GALNTL6: variants seen among roughly 807,000 people sequenced by gnomAD.
GALNTL6 encodes the protein polypeptide N-acetylgalactosaminyltransferase-like 6.
GALNTL6 carries 46 observed loss-of-function variants against 73.7 expected under a neutral mutation model. The ratio of observed to expected loss-of-function variants is 0.62; its 90% CI spans 0.49 to 0.80. The LOEUF is 0.80. Among genes scored for constraint, GALNTL6 ranks in the 30% least tolerant of loss-of-function variants. The pLI is 0.00. For synonymous variants in GALNTL6, 259 were observed against 263.7 expected (o/e 0.98, Z 0.17); for missense variants, 604 against 755.0 (o/e 0.80, Z 2.34).
chr4:172,869,367 G>A lies in GALNTL6; in HGVS notation c.924-13423G>A, dbSNP rs185740278. On this transcript the variant is annotated intron_variant, in intron 7 of 12. Transcript: ENST00000506823. ...AGCACAGCTTGAAACACAAATTTGC[G>A]TATATTTGATTTCTTAGTGGAGTGT... 3.3e-5 allele frequency among the ~76,000 whole-genome samples: 5 copies of A among 152,260 alleles called. No homozygotes were observed. In the East Asian group the frequency reaches 7.7e-4, roughly 23 times the overall value.
At chr4:172,084,274 G>A (rs767359799) in intron 2 of GALNTL6, among the ~76,000 whole-genome samples, 16 of 152,168 alleles carry the variant, frequency 1.1e-4, no homozygotes, top group Non-Finnish European at 2.1e-4. Flanking sequence ...AATGGAGTAT[G>A]AGAAAATGAA....
At chr4:171,911,592 T>C (rs2110963026) in intron 2 of GALNTL6, among the ~76,000 whole-genome samples, 1 of 152,302 alleles carries the variant, frequency 6.6e-6, no homozygotes, top group South Asian at 2.1e-4. Flanking sequence ...GATATACGTG[T>C]GCTGATTCCA....
At chr4:172,494,739 G>A (rs1294564911) in intron 5 of GALNTL6, among the ~76,000 whole-genome samples, 1 of 152,196 alleles carries the variant, frequency 6.6e-6, no homozygotes, top group Non-Finnish European at 1.5e-5. Context: ...AGGGTAGGAA[G>A]CATCCAGCAT....
chr4:172,339,492 A>G (rs1025936672), intron 4 of GALNTL6, among the ~76,000 whole-genome samples: 1 of 152,104 alleles, frequency 6.6e-6, no homozygotes, highest in African/African-American at 2.4e-5. Context: ...CAAACTCCAG[A>G]GCAAGCACTC....
intron 10 of GALNTL6, among the ~76,000 whole-genome samples, chr4:172,994,735 A>G (rs1579756695): frequency 1.3e-5 from 2 of 152,302 alleles, no homozygotes; most frequent in African/African-American, 4.8e-5. Flanking sequence ...ATTACACTCA[A>G]GAATGGGCTC....
At chr4:171,929,862 A>G (rs1036837372) in intron 2 of GALNTL6, among the ~76,000 whole-genome samples, 4 of 152,186 alleles carry the variant, frequency 2.6e-5, no homozygotes, top group African/African-American at 9.6e-5. Context: ...CTCCCTGGAA[A>G]ACGCGAGACA....
intron 2 of GALNTL6, among the ~76,000 whole-genome samples, chr4:172,159,168 C>T (rs75814135): frequency 0.02 from 3,060 of 152,150 alleles, 107 homozygotes; most frequent in African/African-American, 0.067. Flanking sequence ...GGGAACAGTG[C>T]CTGCAAACAG....
intron 10 of GALNTL6, among the ~76,000 whole-genome samples, chr4:172,964,479 T>TA (rs1233486528): frequency 6.6e-6 from 1 of 152,170 alleles, no homozygotes; most frequent in Non-Finnish European, 1.5e-5. Context: ...GCAAACTTTT[T>TA]AAAAAATCTT....
rs148937057 is a variant in GALNTL6, at chr4:172,850,498, C to A, written c.924-32292C>A. Among the ~76,000 whole-genome samples, 6 of 152,242 alleles carry A rather than the reference C, an allele frequency of 3.9e-5. No homozygotes were observed. In the South Asian group the frequency reaches 1.2e-3, roughly 32 times the overall value. On this transcript the variant is annotated intron_variant, in intron 7 of 12. Coordinates refer to ENST00000506823, the MANE Select transcript of GALNTL6 (RefSeq NM_001034845.3). The stretch of plus-strand genomic sequence containing the variant: ...TTTTCTTCTACATTCACGCTTATCA[C>A]GGAATACTTCACCGCTTGGTCACTA...
At chr4:172,312,037 T>G (rs1272233877) in intron 4 of GALNTL6, among the ~76,000 whole-genome samples, 1 of 152,204 alleles carries the variant, frequency 6.6e-6, no homozygotes, top group African/African-American at 2.4e-5. Context: ...ACTTTTAACT[T>G]TTGATCATGT....
chr4:172,471,945 C>T (rs1173614182), intron 5 of GALNTL6, among the ~76,000 whole-genome samples: 1 of 152,138 alleles, frequency 6.6e-6, no homozygotes, highest in Non-Finnish European at 1.5e-5. Context: ...TTTTTCTTCT[C>T]TCTAATATCC....
chr4:172,591,974 A>G (rs901743970), intron 5 of GALNTL6, among the ~76,000 whole-genome samples: 5 of 152,218 alleles, frequency 3.3e-5, no homozygotes, highest in Non-Finnish European at 7.3e-5. Context: ...GACCACTAAG[A>G]GTACTGATTC....
At chr4:172,813,820 T>C (rs1266804900) in intron 7 of GALNTL6, 97 bp downstream of exon 7, 3 of 952,768 alleles carry the variant, frequency 3.1e-6, no homozygotes, top group Non-Finnish European at 4.6e-6. Flanking sequence ...TCTAACAAAA[T>C]GGAATAAAAC....
chr4:172,658,436 C>T (rs1391899197), intron 5 of GALNTL6, among the ~76,000 whole-genome samples: 2 of 144,020 alleles, frequency 1.4e-5, no homozygotes, highest in Non-Finnish European at 3.0e-5. Flanking sequence ...CACTGCACTC[C>T]GGCCTGGGCG....
chr4:171,961,991 G>A (rs912861716), intron 2 of GALNTL6, among the ~76,000 whole-genome samples: 30 of 152,020 alleles, frequency 2.0e-4, no homozygotes, highest in African/African-American at 6.8e-4. Flanking sequence ...CTCTTAAATC[G>A]AACACTTATT....
chr4:172,373,597 G>A (rs1742906723), intron 5 of GALNTL6, among the ~76,000 whole-genome samples: 1 of 151,560 alleles, frequency 6.6e-6, no homozygotes, highest in Non-Finnish European at 1.5e-5. Flanking sequence ...TGGACTGGGT[G>A]GGCATTTTTT....
chr4:172,912,594 C>G (rs988752815), intron 8 of GALNTL6, among the ~76,000 whole-genome samples: 3 of 152,212 alleles, frequency 2.0e-5, no homozygotes, highest in African/African-American at 7.2e-5. Flanking sequence ...CCAGGTCCCA[C>G]GCCCACAGAG....
intron 5 of GALNTL6, among the ~76,000 whole-genome samples, chr4:172,662,015 C>T (rs1424492412): frequency 6.6e-6 from 1 of 152,182 alleles, no homozygotes; most frequent in East Asian, 1.9e-4. Flanking sequence ...GCATGGTCTA[C>T]AAGCCAGCAG....
At chr4:172,425,564 A>T (rs1180570496) in intron 5 of GALNTL6, among the ~76,000 whole-genome samples, 1 of 152,068 alleles carries the variant, frequency 6.6e-6, no homozygotes, top group African/African-American at 2.4e-5. Context: ...TTTTATATGT[A>T]ATTTGAACAA....
Sources: allele counts gnomAD v4.1 joint callset (sites outside exome capture counted in the v4.1 genomes callset), GRCh38; gene constraint gnomAD v4.1.1; transcripts MANE v1.5; gene names NCBI Gene and HGNC (gene_info 2026-07-23, HGNC 2026-07-21).